BRD10: variants seen among roughly 807,000 people sequenced by gnomAD.
BRD10 encodes the protein bromodomain containing 10.
chr9:5,985,712 G>T, the BRD10 span, among the ~76,000 whole-genome samples: 2 of 152,064 alleles, frequency 1.3e-5, no homozygotes, highest in East Asian at 3.9e-4. Context: ...TTGAACCTGG[G>T]AGGCGGAGGT....
chr9:5,920,911 C>CA, the BRD10 span: 1 of 1,613,906 alleles, frequency 6.2e-7, no homozygotes, highest in Non-Finnish European at 8.5e-7. Context: ...GTCTATTTGA[C>CA]AAAATAGGCA....
the BRD10 span, among the ~76,000 whole-genome samples, chr9:5,987,349 G>C: frequency 6.6e-6 from 1 of 152,128 alleles, no homozygotes; most frequent in Non-Finnish European, 1.5e-5. Context: ...GTGACCAGTA[G>C]TGGAGATGTA....
the BRD10 span, among the ~76,000 whole-genome samples, chr9:5,957,098 G>C: frequency 6.6e-6 from 1 of 152,112 alleles, no homozygotes; most frequent in Non-Finnish European, 1.5e-5. Flanking sequence ...ACATGACCTA[G>C]TAGTGGTAGT....
the BRD10 span, among the ~76,000 whole-genome samples, chr9:5,993,312 T>TAAAAA: frequency 1.6e-3 from 189 of 116,628 alleles, 1 homozygote; most frequent in South Asian, 3.4e-3. Context: ...GAGACTCCAT[T>TAAAAA]AAAAAAAAAA....
the BRD10 span, among the ~76,000 whole-genome samples, chr9:5,902,994 A>G: frequency 6.6e-6 from 1 of 152,192 alleles, no homozygotes. Flanking sequence ...TTGCACTGCT[A>G]AGCAGTATCC....
At chr9:5,964,083 C>A in the BRD10 span, among the ~76,000 whole-genome samples, 2 of 152,030 alleles carry the variant, frequency 1.3e-5, no homozygotes, top group Non-Finnish European at 2.9e-5. Flanking sequence ...AGAGCTTCTG[C>A]ACAGCAAAAG....
chr9:5,997,722 T>C, the BRD10 span, among the ~76,000 whole-genome samples: 2 of 152,220 alleles, frequency 1.3e-5, no homozygotes, highest in Non-Finnish European at 2.9e-5. Context: ...CCTCACTTCT[T>C]CACCAAAACA....
chr9:5,892,452 G>A, the BRD10 span: 22 of 1,604,554 alleles, frequency 1.4e-5, no homozygotes, highest in Non-Finnish European at 1.8e-5. Flanking sequence ...TCTGTTAGGT[G>A]TCCTGTGCCC....
chr9:5,962,170 TAAAG>T, the BRD10 span, among the ~76,000 whole-genome samples: 1 of 151,476 alleles, frequency 6.6e-6, no homozygotes, highest in Non-Finnish European at 1.5e-5. Context: ...GCAAGACTAA[TAAAG>T]AAAAAACGAG....
At chr9:5,920,406 C>A in the BRD10 span, 2 of 1,613,904 alleles carry the variant, frequency 1.2e-6, no homozygotes, top group African/African-American at 2.7e-5. Flanking sequence ...AACTGACTCC[C>A]GACTAGACTA....
the BRD10 span, chr9:5,924,697 C>T: frequency 6.4e-7 from 1 of 1,553,990 alleles, no homozygotes; most frequent in Admixed American, 1.8e-5. Context: ...TCCAGAGGTT[C>T]TGTTGAGTCT....
the BRD10 span, among the ~76,000 whole-genome samples, chr9:5,948,494 G>A: frequency 3.3e-5 from 5 of 151,530 alleles, no homozygotes; most frequent in East Asian, 1.9e-4. Flanking sequence ...GGGAGGCCCT[G>A]TAGAGATAAA....
chr9:5,922,056 A>C, the BRD10 span: 1 of 1,613,896 alleles, frequency 6.2e-7, no homozygotes, highest in South Asian at 1.1e-5. Context: ...TGAGGAGCAA[A>C]AGTGAAAACT....
chr9:5,953,994 G>C, the BRD10 span: 4 of 1,461,480 alleles, frequency 2.7e-6, no homozygotes, highest in Admixed American at 4.1e-5. Flanking sequence ...GAAAAATTTC[G>C]AGACAAAGTT....
At chr9:5,882,698 T>C in the BRD10 span, among the ~76,000 whole-genome samples, 1 of 152,226 alleles carries the variant, frequency 6.6e-6, no homozygotes, top group African/African-American at 2.4e-5. Context: ...TAAAAACCCT[T>C]GTCTTCCTCA....
chr9:5,940,136 T>C, the BRD10 span, among the ~76,000 whole-genome samples: 1 of 152,184 alleles, frequency 6.6e-6, no homozygotes, highest in Non-Finnish European at 1.5e-5. Context: ...CTTTTTAACA[T>C]ATCTTTTTAC....
chr9:5,910,547 A>G, the BRD10 span: 1 of 152,160 alleles, frequency 6.6e-6, no homozygotes, highest in South Asian at 2.1e-4. Context: ...CTGAACCTCA[A>G]TCCTGTACAC....
chr9:5,940,551 T>C, the BRD10 span, among the ~76,000 whole-genome samples: 7 of 152,230 alleles, frequency 4.6e-5, no homozygotes, highest in South Asian at 1.4e-3. Context: ...GTAAAAATGA[T>C]CTACCAATTT....
At chr9:5,963,858 G>C in the BRD10 span, among the ~76,000 whole-genome samples, 1 of 151,780 alleles carries the variant, frequency 6.6e-6, no homozygotes, top group African/African-American at 2.4e-5. Flanking sequence ...CCATATGTAG[G>C]AAGCTGAAAC....
Sources: allele counts gnomAD v4.1 joint callset (sites outside exome capture counted in the v4.1 genomes callset), GRCh38; gene constraint gnomAD v4.1.1; transcripts MANE v1.5; gene names NCBI Gene and HGNC (gene_info 2026-07-23, HGNC 2026-07-21).